Variants in CDK5RAP2 observed in about 807,000 individuals in gnomAD.
The protein encoded by CDK5RAP2 is CDK5 regulatory subunit associated protein 2, also known as CDK5 regulatory subunit-associated protein 2.
Under a neutral mutation model 232.9 loss-of-function variants are expected in CDK5RAP2, and 147 were observed. The ratio of observed to expected loss-of-function variants is 0.63; its 90% CI spans 0.55 to 0.72. CDK5RAP2 has a LOEUF of 0.72. CDK5RAP2 is among the 30% of genes least tolerant of loss of function. The probability of loss-of-function intolerance (pLI) is 0.00; values close to 1 mark genes in which losing one functional copy is unlikely to be tolerated. For missense variants in CDK5RAP2, 2,195 were observed against 2,231.5 expected, an observed-to-expected ratio of 0.98 and a Z score of 0.33; for synonymous variants, 833 against 833.7, an observed-to-expected ratio of 1.00 and a Z score of 0.01.
Position 120,527,866 on chromosome 9 carries a change from A to G in CDK5RAP2, c.939T>C (p.Ser313=), listed in dbSNP as rs1352464105. The change falls in exon 10 of 38, where the codon AGT becomes AGC. Residue 313 remains serine (S), a synonymous_variant. Transcript: ENST00000349780. ...EREIATEKKN[S]LKRDKAIQGL... ...CCTGAATGGCTTTATCCCTCTTTAGACTATTTTTCTTCTCTGTAGCAATTT... is the reference window on the plus strand; with the variant it reads ...CCTGAATGGCTTTATCCCTCTTTAGGCTATTTTTCTTCTCTGTAGCAATTT... The G allele has an allele frequency of 1.9e-6, 3 of 1,613,808 alleles. No individual in the cohort carries two copies. Among genetic ancestry groups the G allele is most frequent in the Non-Finnish European group, 1.7e-6 (2 of 1,179,888 alleles).
intron 35 of CDK5RAP2, among the ~76,000 whole-genome samples, chr9:120,399,877 A>T (rs1438311768): frequency 6.6e-6 from 1 of 152,246 alleles, no homozygotes; most frequent in Non-Finnish European, 1.5e-5. Context: ...CAGGCTCATT[A>T]GAACCTTCAG....
chr9:120,469,709 A>C (rs970638723), intron 17 of CDK5RAP2, among the ~76,000 whole-genome samples: 1 of 152,222 alleles, frequency 6.6e-6, no homozygotes, highest in African/African-American at 2.4e-5. Context: ...ATCAGAAATA[A>C]GACATAATCA....
intron 16 of CDK5RAP2, among the ~76,000 whole-genome samples, chr9:120,471,375 A>G (rs1004008325): frequency 6.6e-6 from 1 of 152,188 alleles, no homozygotes; most frequent in Non-Finnish European, 1.5e-5. Context: ...ATATGTGTGC[A>G]GTCTTGGGCT....
At chr9:120,406,024 C>A (rs2033410167) in intron 32 of CDK5RAP2, 1 of 152,156 alleles carries the variant, frequency 6.6e-6, no homozygotes, top group Non-Finnish European at 1.5e-5. Flanking sequence ...TTTCTCTGTT[C>A]ACTTTTTTCA....
At chr9:120,420,784 C>A (rs576575631) in intron 26 of CDK5RAP2, among the ~76,000 whole-genome samples, 19 of 152,348 alleles carry the variant, frequency 1.2e-4, no homozygotes, top group African/African-American at 3.4e-4. Flanking sequence ...ACACCTGATG[C>A]AACTTTGCCC....
At chr9:120,558,693 G>A (rs1237392456) in intron 3 of CDK5RAP2, among the ~76,000 whole-genome samples, 2 of 152,126 alleles carry the variant, frequency 1.3e-5, no homozygotes, top group Non-Finnish European at 2.9e-5. Context: ...TGACGCGTCT[G>A]CCAGGGTGGC....
chr9:120,517,944 T>C (rs1007318555), intron 12 of CDK5RAP2: 3 of 252,170 alleles, frequency 1.2e-5, no homozygotes, highest in Admixed American at 9.3e-5. Context: ...CAAGGATGTT[T>C]GCTGCAGAAG....
At chr9:120,542,443 C>T (rs1015078784) in intron 5 of CDK5RAP2, among the ~76,000 whole-genome samples, 2 of 151,144 alleles carry the variant, frequency 1.3e-5, no homozygotes, top group Non-Finnish European at 2.9e-5. Context: ...TTGTACTGAG[C>T]CAAGATTGTG....
At chr9:120,473,866 A>G (rs1001995106) in intron 15 of CDK5RAP2, among the ~76,000 whole-genome samples, 2 of 152,216 alleles carry the variant, frequency 1.3e-5, no homozygotes, top group Non-Finnish European at 2.9e-5. Context: ...GGTGAAAAGT[A>G]CACAGCTGCT....
chr9:120,461,204 A>C (rs1435894566), intron 18 of CDK5RAP2, among the ~76,000 whole-genome samples: 2 of 152,252 alleles, frequency 1.3e-5, no homozygotes, highest in African/African-American at 2.4e-5. Flanking sequence ...TCCTGGCAAC[A>C]CTGTCATTTT....
chr9:120,539,436 CAGTGA>C (rs951137025), intron 5 of CDK5RAP2, among the ~76,000 whole-genome samples: 25 of 152,198 alleles, frequency 1.6e-4, no homozygotes, highest in African/African-American at 5.3e-4. Context: ...TAGTACACAT[CAGTGA>C]AGTGATCTTA....
intron 5 of CDK5RAP2, 23 bp from the exon 6 acceptor site, chr9:120,539,187 A>G (rs1317341968): frequency 6.2e-7 from 1 of 1,613,576 alleles, no homozygotes; most frequent in Non-Finnish European, 8.5e-7. Flanking sequence ...GCACAGGGGT[A>G]AAACATGCAA....
chr9:120,556,279 T>A (rs2042225023), intron 3 of CDK5RAP2, among the ~76,000 whole-genome samples: 1 of 152,212 alleles, frequency 6.6e-6, no homozygotes, highest in South Asian at 2.1e-4. Flanking sequence ...TCAATAAAGC[T>A]GATTTTTAAA....
chr9:120,444,222 T>C (rs1029711802), intron 22 of CDK5RAP2, among the ~76,000 whole-genome samples: 1 of 152,250 alleles, frequency 6.6e-6, no homozygotes, highest in African/African-American at 2.4e-5. Context: ...AAGACCAGCC[T>C]GGGCAATATA....
chr9:120,518,965 A>T (rs1458769571), intron 11 of CDK5RAP2, among the ~76,000 whole-genome samples: 1 of 152,086 alleles, frequency 6.6e-6, no homozygotes, highest in African/African-American at 2.4e-5. Context: ...TCATGAGGTC[A>T]GGAGTTCAAG....
chr9:120,431,151 C>T (rs921989510), intron 25 of CDK5RAP2, among the ~76,000 whole-genome samples: 10 of 152,046 alleles, frequency 6.6e-5, no homozygotes, highest in Admixed American at 1.3e-4. Context: ...TTAGGAGATA[C>T]ACCTAATGCT....
Position 120,439,905 on chromosome 9 carries a change from A to G in CDK5RAP2, c.3216T>C (p.Val1072=). Reference sequence around the variant, plus strand: ...AAGTAGCTACTGAAGTTGGGCTCAGAACATCTTCAGGATTTTCTTTGCATG... The same window carrying G: ...AAGTAGCTACTGAAGTTGGGCTCAGGACATCTTCAGGATTTTCTTTGCATG... ...LPSCKENPED[V]LSPTSVATYL... The change falls in exon 24 of 38, where the codon GTT becomes GTC. Residue 1072 remains valine, a synonymous_variant. Coordinates refer to ENST00000349780, the MANE Select transcript of CDK5RAP2 (RefSeq NM_018249.6). 1 of 1,614,202 alleles carries G rather than the reference A, an allele frequency of 6.2e-7. No individual in the cohort carries two copies. The highest frequency in any genetic ancestry group is 8.5e-7 in the Non-Finnish European group (1 of 1,180,020).
chr9:120,499,133 T>C (rs2039455929), intron 12 of CDK5RAP2, among the ~76,000 whole-genome samples: 1 of 152,230 alleles, frequency 6.6e-6, no homozygotes, highest in South Asian at 2.1e-4. Flanking sequence ...TATTTGGTAA[T>C]TTTAAGAGAT....
chr9:120,473,682 T>A (rs1016149258), intron 15 of CDK5RAP2, among the ~76,000 whole-genome samples: 4 of 152,198 alleles, frequency 2.6e-5, no homozygotes, highest in African/African-American at 9.6e-5. Context: ...AATGATCAAT[T>A]TGTAAGGCTG....
Sources: gnomAD v4.1 joint callset for allele counts (sites outside exome capture counted in the v4.1 genomes callset) on GRCh38, gnomAD v4.1.1 for gene constraint, MANE v1.5 for transcripts, NCBI Gene and HGNC (gene_info 2026-07-23, HGNC 2026-07-21) for gene names.